TTC12: variants seen among roughly 807,000 people sequenced by gnomAD.
The protein encoded by TTC12 is tetratricopeptide repeat domain 12, also known as tetratricopeptide repeat protein 12.
In TTC12, 70 loss-of-function variants were observed where a neutral mutation model predicts 90.1. The ratio of observed to expected loss-of-function variants is 0.78; its 90% CI spans 0.64 to 0.95. The LOEUF (loss-of-function observed/expected upper bound fraction) is 0.95. TTC12 is among the 40% of genes least tolerant of loss of function. TTC12 has a pLI of 0.00. For synonymous variants in TTC12, 296 were observed against 311.5 expected, an observed-to-expected ratio of 0.95 and a Z score of 0.53; for missense variants, 819 against 846.1, an observed-to-expected ratio of 0.97 and a Z score of 0.40.
At chr11:113,355,556 CATGAGA>C (rs1949587512) in intron 16 of TTC12, among the ~76,000 whole-genome samples, 1 of 151,878 alleles carries the variant, frequency 6.6e-6, no homozygotes, top group Admixed American at 6.6e-5. Flanking sequence ...AGGTTGTTAA[CATGAGA>C]TATTTCTAAC....
In TTC12 at chr11:113,344,335, C is replaced by T. The variant is rs1948833465; in HGVS notation, c.1049C>T (p.Ser350Phe). The change falls in exon 13 of 22, where the codon TCC becomes TTC. Residue 350 changes from serine to phenylalanine, a missense_variant. By Grantham distance (155) the Ser-to-Phe change is radical. Transcript: ENST00000529221. The part of the protein sequence containing the change: ...DRARLLAALL[S>F]SKVLAIRQQS... ...GCCAGGCTGTTGGCCGCCCTCTTGT[C>T]CTCCAAGGTCCTGGCCATCCGGCAG... The T allele has an allele frequency of 1.2e-6, 2 of 1,614,216 alleles. No individual in the cohort carries two copies. Among genetic ancestry groups the T allele is most frequent in the South Asian group, 1.1e-5 (1 of 91,080 alleles).
rs1277819756 is a variant in TTC12 at position 113,357,635 on chromosome 11, G to A, written c.1447-1728G>A. Among the ~76,000 whole-genome samples the A allele has an allele frequency of 2.6e-5, 4 of 152,068 alleles. No homozygotes were observed. In the South Asian group the frequency reaches 8.3e-4, roughly 32 times the overall value. On this transcript the variant is annotated intron_variant, in intron 16 of 21. Transcript: ENST00000529221. ...TTTTATCTTATTTGACGACCTTGAG[G>A]GTTTTATTGTGGTATAAGGTGGCTT...
At chr11:113,324,794 G>C in intron 5 of TTC12, 112 bp downstream of exon 5, 1 of 914,584 alleles carries the variant, frequency 1.1e-6, no homozygotes, top group Non-Finnish European at 1.7e-6. Context: ...GGTGAGGTTT[G>C]TGATGGGCTT....
intron 6 of TTC12, among the ~76,000 whole-genome samples, chr11:113,326,919 G>A (rs1411784056): frequency 1.3e-5 from 2 of 152,126 alleles, no homozygotes; most frequent in African/African-American, 2.4e-5. Flanking sequence ...GTCCAATTAA[G>A]GGAGTTAAGT....
downstream of TTC12, among the ~76,000 whole-genome samples, chr11:113,371,283 A>T (rs1452304161): frequency 6.6e-6 from 1 of 152,244 alleles, no homozygotes; most frequent in Non-Finnish European, 1.5e-5. Context: ...ATTCTCATAT[A>T]CTTTAAATCA....
intron 16 of TTC12, among the ~76,000 whole-genome samples, chr11:113,357,298 G>C (rs1189291511): frequency 2.6e-5 from 4 of 151,936 alleles, no homozygotes; most frequent in Non-Finnish European, 5.9e-5. Context: ...GTTCTTTTCT[G>C]TACTGACCAT....
chr11:113,344,257 C>T lies in TTC12; in HGVS notation c.986-15C>T. On this transcript the variant is annotated splice_polypyrimidine_tract_variant and intron_variant, in intron 12 of 21. Transcript: ENST00000529221. The stretch of plus-strand genomic sequence containing the variant: ...TGATGGCATGCACAAGACACACAAC[C>T]TCTGTGTTTTGCAGAGGAAAACCAG... 3 of 1,604,896 alleles carry T rather than the reference C, an allele frequency of 1.9e-6. No individual in the cohort carries two copies. Among genetic ancestry groups the T allele is most frequent in the Non-Finnish European group, 1.7e-6 (2 of 1,173,942 alleles).
chr11:113,329,795 C>G, intron 6 of TTC12, 125 bp from the exon 7 acceptor site: 1 of 824,230 alleles, frequency 1.2e-6, no homozygotes, highest in Non-Finnish European at 2.1e-6. Context: ...CTGGCAGGAC[C>G]ATGACTGATC....
Position 113,329,639 on chromosome 11 carries a change from C to G in TTC12, c.445-281C>G. Reference sequence around the variant, plus strand: ...CTCCCTCCTTCTGCCCCTTCCATTACAGCAGTGGTAATGGCTGTCCACTGT... The same window carrying G: ...CTCCCTCCTTCTGCCCCTTCCATTAGAGCAGTGGTAATGGCTGTCCACTGT... On this transcript the variant is annotated intron_variant, in intron 6 of 21. Transcript: ENST00000529221. The G allele has an allele frequency of 1.9e-6, 1 of 538,860 alleles. No individual in the cohort carries two copies. Among genetic ancestry groups the G allele is most frequent in the South Asian group, 1.5e-5 (1 of 65,254 alleles). 33.4% of individuals were successfully genotyped at this position (538,860 alleles called of 1,614,324 possible). A position where few individuals can be genotyped will look rare whatever the true frequency, so the allele number is the denominator to read the frequency against.
At chr11:113,335,306 A>G (rs1422309443) in intron 8 of TTC12, among the ~76,000 whole-genome samples, 1 of 152,196 alleles carries the variant, frequency 6.6e-6, no homozygotes, top group Non-Finnish European at 1.5e-5. Flanking sequence ...AAGAGAAAAC[A>G]AAATTTGCTG....
intron 13 of TTC12, among the ~76,000 whole-genome samples, chr11:113,345,306 C>G (rs921443796): frequency 6.6e-6 from 1 of 152,296 alleles, no homozygotes; most frequent in Non-Finnish European, 1.5e-5. Context: ...TTTATCTCCC[C>G]TCATCCTGCG....
chr11:113,354,508 G>A (rs977498158), intron 16 of TTC12, among the ~76,000 whole-genome samples: 2 of 152,186 alleles, frequency 1.3e-5, no homozygotes, highest in African/African-American at 4.8e-5. Context: ...TTGAATAGGA[G>A]TGGTGGGAGA....
At chr11:113,341,950 TCAC>T in intron 12 of TTC12, 25 bp downstream of exon 12, 2 of 1,587,788 alleles carry the variant, frequency 1.3e-6, no homozygotes, top group Non-Finnish European at 1.7e-6. Context: ...TCACCGTTGA[TCAC>T]CATTAATGCG....
chr11:113,330,864 A>G (rs781783039), intron 7 of TTC12, among the ~76,000 whole-genome samples: 10 of 152,232 alleles, frequency 6.6e-5, no homozygotes, highest in Non-Finnish European at 1.0e-4. Flanking sequence ...ATGATTTTCA[A>G]TAACTTAGAA....
chr11:113,361,402 GTAAT>G (rs1949914842), intron 18 of TTC12, among the ~76,000 whole-genome samples: 1 of 152,176 alleles, frequency 6.6e-6, no homozygotes, highest in Admixed American at 6.5e-5. Context: ...TGCAAGGGTG[GTAAT>G]TAATGAGGCA....
chr11:113,318,819 G>A (rs148187195), intron 2 of TTC12, among the ~76,000 whole-genome samples: 123 of 152,030 alleles, frequency 8.1e-4, no homozygotes, highest in African/African-American at 2.8e-3. Context: ...AGCCCCAAAT[G>A]TCTGGAAAGA....
chr11:113,368,066 C>T (rs1950269625), downstream of TTC12: 4 of 720,326 alleles, frequency 5.6e-6, no homozygotes, highest in Non-Finnish European at 8.0e-6. Flanking sequence ...GAAGTTCAGG[C>T]CCCGCCTTCC....
At chr11:113,321,083 T>C (rs1947298104) in intron 2 of TTC12, among the ~76,000 whole-genome samples, 1 of 151,224 alleles carries the variant, frequency 6.6e-6, no homozygotes, top group Non-Finnish European at 1.5e-5. Context: ...CAATAGAAAA[T>C]TGGCCAAGGA....
chr11:113,368,660 G>T (rs1373411193), downstream of TTC12: 3 of 684,598 alleles, frequency 4.4e-6, no homozygotes, highest in Non-Finnish European at 7.8e-6. Flanking sequence ...TGGGACTGAG[G>T]TTCAGAGTTG....
Sources: gnomAD v4.1 joint callset for allele counts (sites outside exome capture counted in the v4.1 genomes callset) on GRCh38, gnomAD v4.1.1 for gene constraint, MANE v1.5 for transcripts, NCBI Gene and HGNC (gene_info 2026-07-23, HGNC 2026-07-21) for gene names.